The following TMEM108 variants were observed in gnomAD, a reference collection of about 807,000 sequenced individuals.
TMEM108 encodes the protein cancer/testis antigen 124.
In TMEM108, 12 loss-of-function variants were observed where a neutral mutation model predicts 35.1. The observed-to-expected ratio is 0.34, with a 90% CI of 0.22 to 0.55. The LOEUF (loss-of-function observed/expected upper bound fraction) is 0.55. Among genes scored for constraint, TMEM108 ranks in the 20% least tolerant of loss-of-function variants. The pLI, the probability that TMEM108 is intolerant of heterozygous loss-of-function variation, is 0.89. For missense variants in TMEM108, 680 were observed against 753.3 expected, an observed-to-expected ratio of 0.90 and a Z score of 1.14; for synonymous variants, 287 against 308.6, an observed-to-expected ratio of 0.93 and a Z score of 0.73.
At chr3:133,268,619 G>A (rs1215989760) in intron 3 of TMEM108, among the ~76,000 whole-genome samples, 1 of 152,164 alleles carries the variant, frequency 6.6e-6, no homozygotes, top group Non-Finnish European at 1.5e-5. Context: ...TAATGATATG[G>A]TATGATCTAA....
At chr3:133,208,895 T>C (rs1210848659) in intron 2 of TMEM108, among the ~76,000 whole-genome samples, 1 of 152,222 alleles carries the variant, frequency 6.6e-6, no homozygotes, top group Non-Finnish European at 1.5e-5. Context: ...CTCTAGAAGA[T>C]AACAACTTTT....
chr3:133,209,385 C>T (rs1013546854), intron 2 of TMEM108, among the ~76,000 whole-genome samples: 1 of 152,122 alleles, frequency 6.6e-6, no homozygotes, highest in Non-Finnish European at 1.5e-5. Flanking sequence ...TATACCTTGT[C>T]TAATACAAGT....
intron 3 of TMEM108, among the ~76,000 whole-genome samples, chr3:133,350,760 A>G (rs997508736): frequency 1.3e-5 from 2 of 152,126 alleles, no homozygotes; most frequent in Non-Finnish European, 2.9e-5. Flanking sequence ...AGGTGGAACT[A>G]CAGGTCAGAG....
intron 4 of TMEM108, among the ~76,000 whole-genome samples, chr3:133,383,901 C>T (rs1187120370): frequency 1.3e-5 from 2 of 152,210 alleles, no homozygotes; most frequent in East Asian, 3.9e-4. Context: ...TTGCCTTGGC[C>T]CTGACTGCCT....
chr3:133,316,931 T>C (rs889467296), intron 3 of TMEM108, among the ~76,000 whole-genome samples: 1 of 152,134 alleles, frequency 6.6e-6, no homozygotes, highest in Non-Finnish European at 1.5e-5. Flanking sequence ...CCCAGGGAAG[T>C]CAAACTGTGG....
At chr3:133,214,329 A>G (rs1945875359) in intron 2 of TMEM108, among the ~76,000 whole-genome samples, 1 of 152,146 alleles carries the variant, frequency 6.6e-6, no homozygotes, top group East Asian at 1.9e-4. Flanking sequence ...TAAAGCAGGC[A>G]TATGCTCCTT....
intron 3 of TMEM108, among the ~76,000 whole-genome samples, chr3:133,288,654 T>C (rs1466919540): frequency 6.6e-6 from 1 of 152,240 alleles, no homozygotes. Context: ...TGAGTGTTTA[T>C]ATATAATACC....
intron 2 of TMEM108, among the ~76,000 whole-genome samples, chr3:133,119,718 C>T (rs12490334): frequency 0.097 from 14,707 of 152,068 alleles, 892 homozygotes; most frequent in Admixed American, 0.17. Context: ...TTCTTCTTGG[C>T]GATGTTTTAT....
At chr3:133,120,820 T>A in intron 2 of TMEM108, 1 of 152,196 alleles carries the variant, frequency 6.6e-6, no homozygotes, top group East Asian at 1.9e-4. Flanking sequence ...ATAAAAAGCA[T>A]GGATGCATGC....
At chr3:133,378,316 T>C in intron 3 of TMEM108, 1 of 983,974 alleles carries the variant, frequency 1.0e-6, no homozygotes. Flanking sequence ...CCTGGAGATC[T>C]CCTCCCCATC....
Position 133,296,925 on chromosome 3 carries a change from A to G in TMEM108, c.40+67574A>G, listed in dbSNP as rs1357954397. On this transcript the variant is annotated intron_variant, in intron 3 of 5. Transcript: ENST00000321871. ...AGTGAGAATGATAGCCCCCCTAGTGATATCAACTATCCCCACTTTCTTAAT... is the reference window on the plus strand; with the variant it reads ...AGTGAGAATGATAGCCCCCCTAGTGGTATCAACTATCCCCACTTTCTTAAT... Among the ~76,000 whole-genome samples, 5 of 152,264 alleles carry G rather than the reference A, an allele frequency of 3.3e-5. No homozygotes were observed. The East Asian group carries it at 9.6e-4, about 29-fold the overall frequency.
At chr3:133,179,600 G>T (rs1187943860) in intron 2 of TMEM108, among the ~76,000 whole-genome samples, 1 of 150,822 alleles carries the variant, frequency 6.6e-6, no homozygotes, top group Non-Finnish European at 1.5e-5. Context: ...GGTGGGAATT[G>T]AACAATGAGA....
chr3:133,310,716 A>G (rs1457866193), intron 3 of TMEM108, among the ~76,000 whole-genome samples: 2 of 151,676 alleles, frequency 1.3e-5, no homozygotes, highest in African/African-American at 4.8e-5. Flanking sequence ...CATTTAGTCC[A>G]TTTACACTTA....
intron 2 of TMEM108, among the ~76,000 whole-genome samples, chr3:133,119,670 A>G (rs111462466): frequency 9.1e-4 from 139 of 152,302 alleles, no homozygotes; most frequent in Non-Finnish European, 1.2e-3. Flanking sequence ...TCTACTGATT[A>G]TGAGTGATTC....
chr3:133,285,960 T>TA (rs1341943351), intron 3 of TMEM108, among the ~76,000 whole-genome samples: 7 of 152,204 alleles, frequency 4.6e-5, no homozygotes, highest in Non-Finnish European at 8.8e-5. Context: ...GACATGAACT[T>TA]ACGAAGCTAT....
At chr3:133,134,070 T>G (rs1944530355) in intron 2 of TMEM108, among the ~76,000 whole-genome samples, 1 of 151,972 alleles carries the variant, frequency 6.6e-6, no homozygotes, top group African/African-American at 2.4e-5. Context: ...CCTCAGAGTT[T>G]TCTTTTTTAA....
intron 3 of TMEM108, among the ~76,000 whole-genome samples, chr3:133,259,141 T>G (rs1168777745): frequency 6.6e-6 from 1 of 152,218 alleles, no homozygotes; most frequent in Non-Finnish European, 1.5e-5. Flanking sequence ...CTTACATAAT[T>G]AAGTGTTGTC....
chr3:133,358,542 G>C (rs1274014220), intron 3 of TMEM108, among the ~76,000 whole-genome samples: 1 of 152,104 alleles, frequency 6.6e-6, no homozygotes, highest in Non-Finnish European at 1.5e-5. Context: ...TATTCACATA[G>C]AGCATGAGAA....
At chr3:133,195,457 G>A (rs940649679) in intron 2 of TMEM108, among the ~76,000 whole-genome samples, 4 of 151,970 alleles carry the variant, frequency 2.6e-5, no homozygotes, top group African/African-American at 9.7e-5. Context: ...TCTTTATGTG[G>A]GTTTCCCTCT....
Sources: allele counts gnomAD v4.1 joint callset (sites outside exome capture counted in the v4.1 genomes callset), GRCh38; gene constraint gnomAD v4.1.1; transcripts MANE v1.5; gene names NCBI Gene and HGNC (gene_info 2026-07-23, HGNC 2026-07-21).